Variants in VSX2 observed in about 807,000 individuals in gnomAD.
VSX2 encodes the protein ceh-10 homeo domain containing homolog.
In VSX2, 28 loss-of-function variants were observed where a neutral mutation model predicts 32.1. The ratio of observed to expected loss-of-function variants is 0.87; its 90% confidence interval spans 0.65 to 1.20. The LOEUF (loss-of-function observed/expected upper bound fraction) is 1.20, where lower values mean the gene tolerates loss of function less well. VSX2 is among the 50% of genes most tolerant of loss of function. The pLI, the probability that VSX2 is intolerant of heterozygous loss-of-function variation, is 0.00. For missense variants in VSX2, 506 were observed against 488.7 expected, an observed-to-expected ratio of 1.04 and a Z score of -0.33; for synonymous variants, 243 against 214.1, an observed-to-expected ratio of 1.14 and a Z score of -1.18.
In VSX2 at chr14:74,239,512, G is replaced by T. The variant is rs1795258459; in HGVS notation, c.-50G>T. 9.0e-6 allele frequency: 14 copies of T among 1,548,796 alleles called. No individual in the cohort carries two copies. Among genetic ancestry groups the T allele is most frequent in the Non-Finnish European group, 1.2e-5 (14 of 1,146,484 alleles). ...GCGAAGCGGGAAGCCCGGCGGGGGGGTGGGGGGAGCTAAAGACCTGCGGCC... is the reference window on the plus strand; with the variant it reads ...GCGAAGCGGGAAGCCCGGCGGGGGGTTGGGGGGAGCTAAAGACCTGCGGCC... On this transcript the variant is annotated 5_prime_UTR_variant, in exon 1 of 5. Coordinates refer to ENST00000261980, the MANE Select transcript of VSX2 (RefSeq NM_182894.3).
chr14:74,244,897 T>A (rs1594754332), intron 2 of VSX2, among the ~76,000 whole-genome samples: 4 of 50,376 alleles, frequency 7.9e-5, no homozygotes, highest in Non-Finnish European at 2.3e-4. Flanking sequence ...TGTGTGTGTG[T>A]GTGTGTGTGT....
At position 74,261,041 on chromosome 14, in the gene VSX2, A is replaced by G; in HGVS notation, c.*122A>G. The G allele has an allele frequency of 3.3e-6, 4 of 1,205,280 alleles. No individual in the cohort carries two copies. Among genetic ancestry groups the G allele is most frequent in the African/African-American group, 1.5e-5 (1 of 66,490 alleles). 74.7% of individuals were successfully genotyped at this position (1,205,280 alleles called of 1,614,324 possible). ...CTCTGCCATCCTCCCTGTTCCCCACAGGTCCTCCATCACCCCTGGTGGCTG... is the reference window on the plus strand; with the variant it reads ...CTCTGCCATCCTCCCTGTTCCCCACGGGTCCTCCATCACCCCTGGTGGCTG... On this transcript the variant is annotated 3_prime_UTR_variant, in exon 5 of 5. Transcript: ENST00000261980.
At chr14:74,239,965 G>C in intron 1 of VSX2, 34 bp downstream of exon 1, 9 of 1,544,468 alleles carry the variant, frequency 5.8e-6, no homozygotes, top group Non-Finnish European at 4.4e-6. Context: ...CTGCCTGACT[G>C]GGGGGCGACA....
chr14:74,254,783 G>GCTTTTTTTTTTTT (rs1566887118), intron 3 of VSX2, among the ~76,000 whole-genome samples: 1 of 72,372 alleles, frequency 1.4e-5, no homozygotes, highest in African/African-American at 1.0e-4. Flanking sequence ...CCGAAAAGTG[G>GCTTTTTTTTTTTT]ATTTTTTTTT....
intron 3 of VSX2, among the ~76,000 whole-genome samples, chr14:74,256,430 C>G (rs2079263205): frequency 2.0e-5 from 3 of 152,174 alleles, no homozygotes; most frequent in Middle Eastern, 3.4e-3. Flanking sequence ...GATTCCATCT[C>G]AAACGAAAGT....
At chr14:74,248,334 T>A (rs1306921709) in intron 3 of VSX2, among the ~76,000 whole-genome samples, 156 of 84,642 alleles carry the variant, frequency 1.8e-3, no homozygotes, top group Admixed American at 3.1e-3. Flanking sequence ...GAGACCAGGC[T>A]AAAAAAAAAA....
intron 2 of VSX2, 123 bp from the exon 3 acceptor site, chr14:74,245,042 T>C (rs1028208735): frequency 2.5e-6 from 3 of 1,202,786 alleles, no homozygotes; most frequent in Non-Finnish European, 3.6e-6. Context: ...TTGTGTCCTA[T>C]TGTGCTGAGC....
chr14:74,256,247 A>C (rs753268212), intron 3 of VSX2, among the ~76,000 whole-genome samples: 36 of 152,192 alleles, frequency 2.4e-4, no homozygotes, highest in Non-Finnish European at 4.4e-4. Context: ...CCTGACCAAC[A>C]AGGTGAAATC....
intron 3 of VSX2, among the ~76,000 whole-genome samples, chr14:74,257,833 G>A (rs2079276615): frequency 6.6e-6 from 1 of 152,158 alleles, no homozygotes; most frequent in Non-Finnish European, 1.5e-5. Context: ...TCTGCAGATT[G>A]AAATCAAATT....
chr14:74,255,105 A>ATT (rs2079255364), intron 3 of VSX2, among the ~76,000 whole-genome samples: 1 of 152,076 alleles, frequency 6.6e-6, no homozygotes, highest in Admixed American at 6.6e-5. Context: ...CTTATCTTTC[A>ATT]TTTGGAGAGA....
chr14:74,257,150 C>G (rs533296106), intron 3 of VSX2, among the ~76,000 whole-genome samples: 19 of 151,822 alleles, frequency 1.3e-4, no homozygotes, highest in African/African-American at 4.4e-4. Context: ...CACAGGCCCG[C>G]GGCGCTGGGG....
chr14:74,240,558 G>T lies in VSX2; in HGVS notation c.371-624G>T, dbSNP rs977806997. ...GGTGACCTCTCCGCCTTCTCCCCGC[G>T]CTGCTTTCCGGGAGGTGTGTCGCGG... On this transcript the variant is annotated intron_variant, in intron 1 of 4. Coordinates refer to ENST00000261980, the MANE Select transcript of VSX2 (RefSeq NM_182894.3). Among the ~76,000 whole-genome samples the T allele has an allele frequency of 3.9e-5, 6 of 152,276 alleles. No individual in the cohort carries two copies. The South Asian group carries it at 6.2e-4, about 16-fold the overall frequency.
intron 3 of VSX2, among the ~76,000 whole-genome samples, chr14:74,246,800 G>C (rs1206262580): frequency 6.6e-6 from 1 of 152,112 alleles, no homozygotes; most frequent in East Asian, 1.9e-4. Flanking sequence ...CTTGCAGTGG[G>C]TTGTCCTGAA....
At chr14:74,253,004 G>A (rs1009237683) in intron 3 of VSX2, among the ~76,000 whole-genome samples, 3 of 147,300 alleles carry the variant, frequency 2.0e-5, no homozygotes, top group Admixed American at 6.9e-5. Flanking sequence ...AGCCAGGATC[G>A]TGCCACTGCA....
At position 74,244,929 on chromosome 14, in the gene VSX2, T is replaced by TGA. The variant is rs554735119; in HGVS notation, c.456-235_456-234dup. ...GTGTGTGTGTGTGTGTGTGTGTGTG[T>TGA]GAAAGAGAGAGAGAAAGTGTGTGTG... On this transcript the variant is annotated intron_variant, in intron 2 of 4. Transcript: ENST00000261980. 2.3e-4 allele frequency among the ~76,000 whole-genome samples: 9 copies of TGA among 38,852 alleles called. 1 individual carries two copies. The highest frequency in any genetic ancestry group is 5.9e-4 in the African/African-American group (8 of 13,664). 25.5% of individuals were successfully genotyped at this position (38,852 alleles called of 152,430 possible). A position where few individuals can be genotyped will look rare whatever the true frequency, so the allele number is the denominator to read the frequency against.
At chr14:74,248,334 T>TAAAAAAGAAAAAA (rs2079205919) in intron 3 of VSX2, among the ~76,000 whole-genome samples, 1 of 84,748 alleles carries the variant, frequency 1.2e-5, no homozygotes, top group Admixed American at 1.3e-4. Context: ...GAGACCAGGC[T>TAAAAAAGAAAAAA]AAAAAAAAAA....
chr14:74,246,788 C>G (rs922241630), intron 3 of VSX2, among the ~76,000 whole-genome samples: 1 of 152,088 alleles, frequency 6.6e-6, no homozygotes, highest in Non-Finnish European at 1.5e-5. Context: ...AATAGCTTGT[C>G]TCTTGCAGTG....
chr14:74,244,967 TGTGTGTGTGTGTGTGAGA>T (rs1420388098), intron 2 of VSX2, among the ~76,000 whole-genome samples, 180 bp from the exon 3 acceptor site: 6 of 83,546 alleles, frequency 7.2e-5, no homozygotes, highest in African/African-American at 2.8e-4. Flanking sequence ...TGTGTGTGTG[TGTGTGTGTGTGTGTGAGA>T]GAGAGAGAGA....
At chr14:74,243,713 C>T (rs544062669) in intron 2 of VSX2, among the ~76,000 whole-genome samples, 25 of 151,740 alleles carry the variant, frequency 1.6e-4, no homozygotes, top group Non-Finnish European at 2.2e-4. Context: ...ACCCCCCACC[C>T]CCAGAGAATA....
Sources: allele counts gnomAD v4.1 joint callset (sites outside exome capture counted in the v4.1 genomes callset), GRCh38; gene constraint gnomAD v4.1.1; transcripts MANE v1.5; gene names NCBI Gene and HGNC (gene_info 2026-07-23, HGNC 2026-07-21).